EXOSC9: variants seen among roughly 807,000 people sequenced by gnomAD.
EXOSC9 encodes exosome complex component RRP45.
A neutral mutation model predicts 56.5 loss-of-function variants in EXOSC9; 38 were observed. The observed-to-expected ratio is 0.67, with a 90% CI of 0.52 to 0.88. The LOEUF (loss-of-function observed/expected upper bound fraction) is 0.88. Ranked by LOEUF, EXOSC9 falls within the 40% of genes least tolerant of loss-of-function variation. The probability of loss-of-function intolerance (pLI) is 0.00; values close to 1 mark genes in which losing one functional copy is unlikely to be tolerated. For synonymous variants in EXOSC9, 170 were observed against 170.8 expected (o/e 0.99, Z 0.04); for missense variants, 559 against 530.5 (o/e 1.05, Z -0.53).
intron 4 of EXOSC9, 50 bp downstream of exon 4, chr4:121,803,067 A>G (rs1726917689): frequency 1.4e-5 from 18 of 1,253,608 alleles, no homozygotes; most frequent in Non-Finnish European, 2.1e-5. Context: ...ACTGTTGATC[A>G]TGGATCCCGG....
In EXOSC9 at chr4:121,801,896, T is replaced by C; in HGVS notation, c.136T>C (p.Cys46Arg). The change falls in exon 2 of 12, where the codon TGC (cysteine) becomes CGC (arginine). Residue 46 changes from cysteine (C) to arginine (R), a missense_variant. By Grantham distance (180) the Cys-to-Arg change is radical. Transcript: ENST00000243498. ...RISFGTDYGCCIVELGKTRVL... is the reference protein window; with the variant it reads ...RISFGTDYGCRIVELGKTRVL... ...CTCATTTGGAACAGATTACGGATGC[T>C]GCATTGTGGAACTTGGAAAAACAAG... 6.2e-7 allele frequency: 1 copy of C among 1,613,588 alleles called. No individual in the cohort carries two copies. Among genetic ancestry groups the C allele is most frequent in the Non-Finnish European group, 8.5e-7 (1 of 1,179,464 alleles).
intron 4 of EXOSC9, among the ~76,000 whole-genome samples, chr4:121,803,557 T>C (rs1726931599): frequency 6.6e-6 from 1 of 152,216 alleles, no homozygotes. Context: ...TTTTATTTTT[T>C]TGAGATAGAG....
chr4:121,814,127 A>G, intron 10 of EXOSC9, 80 bp downstream of exon 10: 1 of 840,218 alleles, frequency 1.2e-6, no homozygotes, highest in Non-Finnish European at 1.9e-6. Context: ...TAATGCATAA[A>G]ATGTGTGTAT....
intron 4 of EXOSC9, among the ~76,000 whole-genome samples, chr4:121,803,643 C>T (rs1159010608): frequency 1.3e-5 from 2 of 152,128 alleles, no homozygotes; most frequent in Non-Finnish European, 1.5e-5. Context: ...CCTGTTCAAG[C>T]GATTCTCCCA....
intron 5 of EXOSC9, among the ~76,000 whole-genome samples, chr4:121,805,019 A>C (rs1280741759): frequency 6.6e-6 from 1 of 152,204 alleles, no homozygotes; most frequent in Non-Finnish European, 1.5e-5. Flanking sequence ...TTTGGATTGA[A>C]CATTAGATGA....
chr4:121,802,568 G>A, intron 2 of EXOSC9, 106 bp from the exon 3 acceptor site: 2 of 1,004,592 alleles, frequency 2.0e-6, no homozygotes, highest in Non-Finnish European at 3.0e-6. Flanking sequence ...TTATTTGGCT[G>A]AGTATGATAT....
At chr4:121,807,743 T>G in intron 6 of EXOSC9, 121 bp downstream of exon 6, 1 of 647,216 alleles carries the variant, frequency 1.5e-6, no homozygotes, top group Non-Finnish European at 2.8e-6. Flanking sequence ...CACCTTGTAT[T>G]TCCTTTCTTT....
intron 7 of EXOSC9, among the ~76,000 whole-genome samples, chr4:121,811,127 T>C (rs143593861): frequency 2.0e-5 from 3 of 152,346 alleles, no homozygotes; most frequent in African/African-American, 7.2e-5. Context: ...TTTCTTTATC[T>C]GTAAAATAGG....
At chr4:121,801,648 C>A (rs969546662) in intron 1 of EXOSC9, 158 bp downstream of exon 1, 5 of 794,716 alleles carry the variant, frequency 6.3e-6, no homozygotes, top group African/African-American at 1.7e-5. Context: ...TCGACAGGTT[C>A]TTTTCAAGGC....
intron 10 of EXOSC9, 177 bp downstream of exon 10, chr4:121,814,224 T>C (rs1724388956): frequency 4.8e-6 from 2 of 415,116 alleles, no homozygotes; most frequent in Admixed American, 3.7e-5. Context: ...GGATACTATA[T>C]AGAGAGAATA....
intron 9 of EXOSC9, among the ~76,000 whole-genome samples, chr4:121,813,587 AAC>A (rs1451884160): frequency 6.6e-6 from 1 of 152,212 alleles, no homozygotes; most frequent in Non-Finnish European, 1.5e-5. Flanking sequence ...TCCTGGAAAA[AAC>A]AGATTTTAAG....
chr4:121,801,495 G>C lies in EXOSC9; in HGVS notation c.66+5G>C. 6.2e-7 allele frequency: 1 copy of C among 1,614,124 alleles called. No homozygotes were observed. On this transcript the variant is annotated splice_donor_5th_base_variant and intron_variant, in intron 1 of 11. Transcript: ENST00000243498. Reference sequence around the variant, plus strand: ...CGTGCCATCGAAGAGAAGAAGGTATGGTTTGGTGCCCGCAGAATTGCGCGC... The same window carrying C: ...CGTGCCATCGAAGAGAAGAAGGTATCGTTTGGTGCCCGCAGAATTGCGCGC...
chr4:121,812,688 G>A (rs934777094), intron 8 of EXOSC9, among the ~76,000 whole-genome samples: 5 of 151,898 alleles, frequency 3.3e-5, no homozygotes, highest in Non-Finnish European at 5.9e-5. Flanking sequence ...ATGGGGTTTC[G>A]CCGTTTTGGC....
In EXOSC9 at chr4:121,801,440, C is replaced by G. The variant is rs749982002; in HGVS notation, c.16C>G (p.Leu6Val). 1 of 1,614,192 alleles carries G rather than the reference C, an allele frequency of 6.2e-7. No individual in the cohort carries two copies. Among genetic ancestry groups the G allele is most frequent in the Non-Finnish European group, 8.5e-7 (1 of 1,180,002 alleles). Residue 6 changes from leucine (L) to valine (V), a missense_variant, in exon 1 of 12, where the codon CTC becomes GTC. Coordinates refer to ENST00000243498, the MANE Select transcript of EXOSC9 (RefSeq NM_005033.3). MKETP[L>V]SNCERRFLLR... ...ACCCAACACCATGAAGGAAACGCCA[C>G]TCTCAAACTGCGAACGCCGCTTCCT...
At chr4:121,806,724 G>T (rs1214285339) in intron 5 of EXOSC9, among the ~76,000 whole-genome samples, 1 of 152,022 alleles carries the variant, frequency 6.6e-6, no homozygotes, top group Admixed American at 6.6e-5. Flanking sequence ...CATGAAACAT[G>T]CTAAGTTGAA....
intron 10 of EXOSC9, 34 bp from the exon 11 acceptor site, chr4:121,816,335 T>C: frequency 1.6e-6 from 2 of 1,232,162 alleles, no homozygotes; most frequent in Non-Finnish European, 2.2e-6. Flanking sequence ...TGCTTAACTT[T>C]TTTTTTTTTT....
chr4:121,816,822 TGAAAA>T lies in EXOSC9; in HGVS notation c.1290_1294del (p.Arg431LysfsTer18). ...GAAAAAGCACCAAGTAAAAAGCCAGTGAAAAGAAGAAAAAAGAAGAGAGCTGCCAA... is the reference window on the plus strand; with the variant it reads ...GAAAAAGCACCAAGTAAAAAGCCAGTGAAGAAAAAAGAAGAGAGCTGCCAA... On this transcript the variant is annotated frameshift_variant, in exon 12 of 12. Transcript: ENST00000243498. LOFTEE classifies it high-confidence loss of function. 1.9e-6 allele frequency: 3 copies of T among 1,599,956 alleles called. No homozygotes were observed. Among genetic ancestry groups the T allele is most frequent in the Non-Finnish European group, 2.6e-6 (3 of 1,171,932 alleles).
chr4:121,802,007 A>T, intron 2 of EXOSC9, 86 bp downstream of exon 2: 1 of 959,808 alleles, frequency 1.0e-6, no homozygotes, highest in Non-Finnish European at 1.7e-6. Flanking sequence ...AAAGCAGCTA[A>T]GAAGTCTGGA....
chr4:121,814,142 A>G, intron 10 of EXOSC9, 95 bp downstream of exon 10: 1 of 751,024 alleles, frequency 1.3e-6, no homozygotes, highest in Non-Finnish European at 2.2e-6. Flanking sequence ...GTGTATATTT[A>G]TATTATCACT....
Sources: gnomAD v4.1 joint callset for allele counts (sites outside exome capture counted in the v4.1 genomes callset) on GRCh38, gnomAD v4.1.1 for gene constraint, MANE v1.5 for transcripts, NCBI Gene and HGNC (gene_info 2026-07-23, HGNC 2026-07-21) for gene names.